The following PLIN1 variants were observed in gnomAD, a reference collection of about 807,000 sequenced individuals.
PLIN1 encodes perilipin 1.
A neutral mutation model predicts 45.8 loss-of-function variants in PLIN1; 37 were observed. The observed-to-expected ratio is 0.81, with a 90% CI of 0.62 to 1.06. The LOEUF (loss-of-function observed/expected upper bound fraction) is 1.06, where lower values mean the gene tolerates loss of function less well. PLIN1 is among the 50% of genes least tolerant of loss of function. The pLI, the probability that PLIN1 is intolerant of heterozygous loss-of-function variation, is 0.00. For synonymous variants in PLIN1, 340 were observed against 309.2 expected (o/e 1.10, Z -1.05); for missense variants, 776 against 716.5 (o/e 1.08, Z -0.95).
chr15:89,670,332 C>G, intron 4 of PLIN1, 88 bp from the exon 5 acceptor site: 1 of 1,405,448 alleles, frequency 7.1e-7, no homozygotes. Flanking sequence ...CTGAGCCCAG[C>G]TCCCAGGAAG....
At chr15:89,669,398 T>A in intron 6 of PLIN1, 102 bp downstream of exon 6, 1 of 1,021,612 alleles carries the variant, frequency 9.8e-7, no homozygotes, top group South Asian at 1.3e-5. Flanking sequence ...AGAGAGAATG[T>A]TCTCAGGACA....
At position 89,664,997 on chromosome 15, in the gene PLIN1, G is replaced by C. The variant is rs989981034; in HGVS notation, c.*586C>G. 4.5e-6 allele frequency: 2 copies of C among 448,982 alleles called. No homozygotes were observed. Among genetic ancestry groups the C allele is most frequent in the African/African-American group, 4.0e-5 (2 of 49,724 alleles). 27.8% of individuals were successfully genotyped at this position (448,982 alleles called of 1,614,324 possible). On this transcript the variant is annotated 3_prime_UTR_variant, in exon 9 of 9. Transcript: ENST00000300055. ...CAGCCTGTGAAGCGGCGGGTACTCAGAAAGTGACACTAGTATTTTAAATAA... is the reference window on the plus strand; with the variant it reads ...CAGCCTGTGAAGCGGCGGGTACTCACAAAGTGACACTAGTATTTTAAATAA...
chr15:89,676,271 A>G (rs1435816116), intron 2 of PLIN1, among the ~76,000 whole-genome samples: 2 of 152,084 alleles, frequency 1.3e-5, no homozygotes, highest in Non-Finnish European at 2.9e-5. Context: ...TTTTTTTGAG[A>G]TGGAATCTCG....
chr15:89,674,813 T>A (rs1406009484), intron 2 of PLIN1, among the ~76,000 whole-genome samples: 1 of 152,178 alleles, frequency 6.6e-6, no homozygotes, highest in Non-Finnish European at 1.5e-5. Context: ...CACACTGTGG[T>A]CTGGTGACCC....
At chr15:89,677,369 C>T in intron 2 of PLIN1, 76 bp downstream of exon 2, 1 of 1,163,000 alleles carries the variant, frequency 8.6e-7, no homozygotes, top group Admixed American at 1.7e-5. Flanking sequence ...TCTAAGTCCC[C>T]TGCATCTCCC....
At position 89,669,513 on chromosome 15, in the gene PLIN1, C is replaced by T. The variant is rs1440794255; in HGVS notation, c.758G>A (p.Gly253Asp). The change falls in exon 6 of 9, where the codon GGC becomes GAC. Residue 253 changes from glycine (G) to aspartate (D), a missense_variant. Coordinates refer to ENST00000300055, the MANE Select transcript of PLIN1 (RefSeq NM_002666.5). ...GCAGATACTTACCAGGGGCACCACG[C>T]CTGGGATCCACATGGCCACGGTGTG... ...QGHTVAMWIP[G>D]VVPLSSLAQW... 6.2e-7 allele frequency: 1 copy of T among 1,612,572 alleles called. No homozygotes were observed. The highest frequency in any genetic ancestry group is 8.5e-7 in the Non-Finnish European group (1 of 1,179,956).
chr15:89,664,941 G>C lies in PLIN1; in HGVS notation c.*642C>G, dbSNP rs1217455030. The C allele has an allele frequency of 6.6e-6, 3 of 455,958 alleles. No homozygotes were observed. The highest frequency in any genetic ancestry group is 1.3e-5 in the Non-Finnish European group (3 of 226,808). 28.2% of individuals were successfully genotyped at this position (455,958 alleles called of 1,614,324 possible). A position where few individuals can be genotyped will look rare whatever the true frequency, so the allele number is the denominator to read the frequency against. ...ATGGAAATGTGGCTGTGAGCAAGCA[G>C]CTGGCTCTACAAAGCACACAGGCCT... On this transcript the variant is annotated 3_prime_UTR_variant, in exon 9 of 9. Coordinates refer to ENST00000300055, the MANE Select transcript of PLIN1 (RefSeq NM_002666.5).
rs1964541609 is a variant in PLIN1 at position 89,677,793 on chromosome 15, C to T, written c.-14-290G>A. ...TGAGATGGATTCTTGCTCTGTTGCC[C>T]AGGCTGGAGTGTAGTTGCACAATCT... On this transcript the variant is annotated intron_variant, in intron 1 of 8. Transcript: ENST00000300055. 3 of 378,416 alleles carry T rather than the reference C, an allele frequency of 7.9e-6. No individual in the cohort carries two copies. In the South Asian group the frequency reaches 1.1e-4, roughly 13 times the overall value. 23.4% of individuals were successfully genotyped at this position (378,416 alleles called of 1,614,324 possible).
At position 89,667,776 on chromosome 15, in the gene PLIN1, C is replaced by T. The variant is rs766996257; in HGVS notation, c.789G>A (p.Trp263Ter). 1.5e-5 allele frequency: 23 copies of T among 1,559,174 alleles called. No homozygotes were observed. The highest frequency in any genetic ancestry group is 1.7e-5 in the Non-Finnish European group (20 of 1,151,870). ...GVVPLSSLAQ[W>*]GASVAMQAVS... ...CCGCCTGCATGGCCACTGAGGCACC[C>T]CACTGGGCCAGGCTGCTCTGAGGGA... Residue 263 changes from tryptophan (W) to a stop codon, truncating the protein, a stop_gained, in exon 7 of 9, where the codon TGG (tryptophan) becomes TGA (stop). Transcript: ENST00000300055. LOFTEE classifies it high-confidence loss of function.
chr15:89,670,371 A>G (rs1964422621), intron 4 of PLIN1, 127 bp from the exon 5 acceptor site: 2 of 932,974 alleles, frequency 2.1e-6, no homozygotes, highest in East Asian at 5.1e-5. Context: ...GGGAACTGGT[A>G]CTGATATTTA....
intron 3 of PLIN1, among the ~76,000 whole-genome samples, chr15:89,672,009 G>C (rs907064989): frequency 2.6e-5 from 4 of 152,220 alleles, no homozygotes; most frequent in Non-Finnish European, 5.9e-5. Flanking sequence ...AGGGGGCTCT[G>C]AGTGAGCATG....
rs531562299 is a variant in PLIN1 at position 89,671,227 on chromosome 15, C to T, written c.333+255G>A. 1.5e-3 allele frequency among the ~76,000 whole-genome samples: 236 copies of T among 152,262 alleles called. 2 individuals carry two copies. The highest frequency in any genetic ancestry group is 4.0e-3 in the Admixed American group (61 of 15,294). Reference sequence around the variant, plus strand: ...TGCGGTATCGGGAGGCAGTGGGACCCGCCTCAAGCTCCTGTTTGGGTTTGC... The same window carrying T: ...TGCGGTATCGGGAGGCAGTGGGACCTGCCTCAAGCTCCTGTTTGGGTTTGC... On this transcript the variant is annotated intron_variant, in intron 4 of 8. Coordinates refer to ENST00000300055, the MANE Select transcript of PLIN1 (RefSeq NM_002666.5).
chr15:89,671,031 C>T (rs369041535), intron 4 of PLIN1, among the ~76,000 whole-genome samples: 8 of 152,136 alleles, frequency 5.3e-5, no homozygotes, highest in African/African-American at 1.9e-4. Flanking sequence ...AGCAACTACC[C>T]AATAAATATG....
rs375776824 is a variant in PLIN1, at chr15:89,664,724, G to A, written c.*859C>T. The A allele has an allele frequency of 2.0e-5, 8 of 396,878 alleles. No homozygotes were observed. Among genetic ancestry groups the A allele is most frequent in the African/African-American group, 1.6e-4 (8 of 48,596 alleles). 24.6% of individuals were successfully genotyped at this position (396,878 alleles called of 1,614,324 possible). Reference sequence around the variant, plus strand: ...GGGAACAGGGGAGCTCGGGGAGAAAGACACACATCCTTTTGCAATATTTGA... The same window carrying A: ...GGGAACAGGGGAGCTCGGGGAGAAAAACACACATCCTTTTGCAATATTTGA... On this transcript the variant is annotated 3_prime_UTR_variant, in exon 9 of 9. Transcript: ENST00000300055.
intron 1 of PLIN1, among the ~76,000 whole-genome samples, chr15:89,678,686 G>T (rs1964555502): frequency 6.6e-6 from 1 of 152,140 alleles, no homozygotes; most frequent in Admixed American, 6.5e-5. Flanking sequence ...GGCTGACATG[G>T]GAGAATTGCT....
chr15:89,671,982 T>C (rs1964448072), intron 3 of PLIN1, among the ~76,000 whole-genome samples: 1 of 152,230 alleles, frequency 6.6e-6, no homozygotes, highest in South Asian at 2.1e-4. Context: ...CCTCCTTCTC[T>C]TCCTTCCTGA....
rs1241629644 is a variant in PLIN1, at chr15:89,665,827, C to A, written c.1325G>T (p.Gly442Val). Residue 442 changes from glycine (G) to valine (V), a missense_variant, in exon 9 of 9, where the codon GGC becomes GTC. Physicochemically the swap from Gly to Val is moderately radical, Grantham distance 109. Transcript: ENST00000300055. ...TGCGAGACGCGGGGCGGGCTCCGGG[C>A]CGGCGGACGGCGCCCCAGACGCTCT... ...ERRASGAPSA[G>V]PEPAPRLAQP... is the part of the protein sequence containing the mutation. 2 of 1,414,074 alleles carry A rather than the reference C, an allele frequency of 1.4e-6. No individual in the cohort carries two copies. The highest frequency in any genetic ancestry group is 9.2e-7 in the Non-Finnish European group (1 of 1,082,242). The allele number at this position is 1,414,074 out of a possible 1,614,324, so 87.6% of individuals were successfully genotyped here.
Position 89,669,984 on chromosome 15 carries a change from C to CT in PLIN1, c.593dup (p.Ser199ValfsTer98). ...GAGCCTCCGAATGGCAGGTACCTGA[C>CT]TCTTCCTTGTCTGGAGGGAGGAGGT... On this transcript the variant is annotated frameshift_variant, in exon 5 of 9. Coordinates refer to ENST00000300055, the MANE Select transcript of PLIN1 (RefSeq NM_002666.5). LOFTEE classifies it high-confidence loss of function. The CT allele has an allele frequency of 1.9e-6, 3 of 1,610,962 alleles. No individual in the cohort carries two copies. The highest frequency in any genetic ancestry group is 2.5e-6 in the Non-Finnish European group (3 of 1,179,334).
Position 89,667,099 on chromosome 15 carries a change from G to A in PLIN1, c.1046C>T (p.Ala349Val). The A allele has an allele frequency of 6.2e-7, 1 of 1,614,108 alleles. No individual in the cohort carries two copies. The highest frequency in any genetic ancestry group is 8.5e-7 in the Non-Finnish European group (1 of 1,180,008). The change falls in exon 8 of 9, where the codon GCT becomes GTT. Residue 349 changes from alanine to valine, a missense_variant. Transcript: ENST00000300055. ...CACAGCTGCAGGTGCCCATGTCACAGCCGAGATGGTGGTCTGGAGGGTCTT... is the reference window on the plus strand; with the variant it reads ...CACAGCTGCAGGTGCCCATGTCACAACCGAGATGGTGGTCTGGAGGGTCTT... ...LQKTLQTTIS[A>V]VTWAPAAVLG...
Sources: gnomAD v4.1 joint callset for allele counts (sites outside exome capture counted in the v4.1 genomes callset) on GRCh38, gnomAD v4.1.1 for gene constraint, MANE v1.5 for transcripts, NCBI Gene and HGNC (gene_info 2026-07-23, HGNC 2026-07-21) for gene names.